Variants in PAX5 observed in about 807,000 individuals in gnomAD.
The protein encoded by PAX5 is paired box protein Pax-5.
In PAX5, 9 loss-of-function variants were observed where a neutral mutation model predicts 43.7. The ratio of observed to expected loss-of-function variants is 0.21; its 90% CI spans 0.12 to 0.36. The LOEUF (loss-of-function observed/expected upper bound fraction) is 0.36. Among genes scored for constraint, PAX5 ranks in the 10% least tolerant of loss-of-function variants. PAX5 has a pLI of 1.00. For missense variants in PAX5, 383 were observed against 532.7 expected (o/e 0.72, Z 2.77); for synonymous variants, 228 against 214.3 (o/e 1.06, Z -0.56).
chr9:37,003,170 A>ACAAAAAAC (rs1838079399), intron 4 of PAX5, among the ~76,000 whole-genome samples: 2 of 146,784 alleles, frequency 1.4e-5, no homozygotes, highest in Non-Finnish European at 3.0e-5. Flanking sequence ...AAAAAAAAAA[A>ACAAAAAAC]AAAAAAAAAA....
chr9:37,033,922 G>T (rs376303924), intron 1 of PAX5, 64 bp downstream of exon 1: 21 of 1,505,814 alleles, frequency 1.4e-5, no homozygotes, highest in Admixed American at 1.7e-5. Context: ...GTCACCCTGC[G>T]TGGGGACCAA....
At chr9:36,944,183 C>CA (rs1330154521) in intron 6 of PAX5, among the ~76,000 whole-genome samples, 1 of 151,922 alleles carries the variant, frequency 6.6e-6, no homozygotes, top group Admixed American at 6.6e-5. Flanking sequence ...GACGCTGTCT[C>CA]AAAAAAATAA....
intron 6 of PAX5, among the ~76,000 whole-genome samples, chr9:36,961,660 T>C (rs1564013310): frequency 6.6e-6 from 1 of 152,344 alleles, no homozygotes; most frequent in Non-Finnish European, 1.5e-5. Context: ...TGGTTAATAG[T>C]CTGCCGAGAG....
chr9:37,024,959 G>C (rs138417159), intron 1 of PAX5, among the ~76,000 whole-genome samples: 1 of 152,364 alleles, frequency 6.6e-6, no homozygotes, highest in Admixed American at 6.5e-5. Flanking sequence ...CCTTGGCTGA[G>C]CCAAGGGCTT....
intron 1 of PAX5, chr9:37,026,603 C>A: frequency 7.4e-7 from 1 of 1,349,886 alleles, no homozygotes; most frequent in Non-Finnish European, 9.7e-7. Context: ...CAGGCCGGCC[C>A]ACGCCGCCGC....
intron 8 of PAX5, among the ~76,000 whole-genome samples, chr9:36,863,897 T>C (rs1056615699): frequency 6.6e-6 from 1 of 151,936 alleles, no homozygotes; most frequent in African/African-American, 2.4e-5. Context: ...GATCAGGAGG[T>C]CAGGAGCTCA....
chr9:36,965,980 C>T (rs1221795566), intron 6 of PAX5, among the ~76,000 whole-genome samples: 1 of 152,184 alleles, frequency 6.6e-6, no homozygotes, highest in Non-Finnish European at 1.5e-5. Context: ...CAGGGCTGGT[C>T]CTCCTGCTTT....
At chr9:37,004,722 A>G (rs1012936393) in intron 4 of PAX5, among the ~76,000 whole-genome samples, 1 of 152,224 alleles carries the variant, frequency 6.6e-6, no homozygotes, top group African/African-American at 2.4e-5. Context: ...AGAAGATCCC[A>G]GGTCACTTGG....
intron 8 of PAX5, among the ~76,000 whole-genome samples, chr9:36,867,323 T>G (rs1411610534): frequency 2.0e-5 from 3 of 152,150 alleles, no homozygotes; most frequent in African/African-American, 7.2e-5. Context: ...CACCCTTCTT[T>G]TGCATCACAC....
At chr9:37,016,841 A>C (rs1382834905) in intron 2 of PAX5, among the ~76,000 whole-genome samples, 1 of 152,228 alleles carries the variant, frequency 6.6e-6, no homozygotes, top group Non-Finnish European at 1.5e-5. Context: ...CAGCCTGGGT[A>C]TGTTTGGGTA....
At chr9:37,002,867 G>C in intron 4 of PAX5, 91 bp from the exon 5 acceptor site, 1 of 1,462,444 alleles carries the variant, frequency 6.8e-7, no homozygotes, top group South Asian at 1.3e-5. Flanking sequence ...GCGGCTGGGA[G>C]GGAGCGAGCG....
rs1824189108 is a variant in PAX5 at position 36,861,258 on chromosome 9, G to C, written c.1013-14329C>G. The C allele has an allele frequency of 2.0e-5, 3 of 151,652 alleles. No homozygotes were observed. In the South Asian group the frequency reaches 6.3e-4, roughly 32 times the overall value. The allele number at this position is 151,652 out of a possible 1,614,324, so 9.4% of individuals were successfully genotyped here. A position where few individuals can be genotyped will look rare whatever the true frequency, so the allele number is the denominator to read the frequency against. ...TGAGTGAGGGCCTACTAGGTACCAG[G>C]CCCACTGCAGACAGTCGCAATTTCA... On this transcript the variant is annotated intron_variant, in intron 8 of 9. Coordinates refer to ENST00000358127, the MANE Select transcript of PAX5 (RefSeq NM_016734.3).
chr9:36,926,554 T>TG (rs1283299284), intron 6 of PAX5, among the ~76,000 whole-genome samples: 6 of 152,252 alleles, frequency 3.9e-5, no homozygotes, highest in Non-Finnish European at 8.8e-5. Context: ...CCTAATTTTC[T>TG]GAGAATGAAT....
intron 9 of PAX5, among the ~76,000 whole-genome samples, chr9:36,845,542 G>T (rs1489488491): frequency 6.6e-6 from 1 of 152,220 alleles, no homozygotes; most frequent in African/African-American, 2.4e-5. Flanking sequence ...GGAGTCTTCT[G>T]CAAGGCTTGC....
chr9:36,850,169 C>T (rs1415163819), intron 8 of PAX5, among the ~76,000 whole-genome samples: 1 of 152,218 alleles, frequency 6.6e-6, no homozygotes, highest in Admixed American at 6.5e-5. Context: ...TTCCGTGAGG[C>T]CCCGCAGAGG....
At chr9:36,886,653 T>C (rs1011936132) in intron 7 of PAX5, among the ~76,000 whole-genome samples, 1 of 152,202 alleles carries the variant, frequency 6.6e-6, no homozygotes, top group Non-Finnish European at 1.5e-5. Context: ...AAACATGCTA[T>C]GACCTCAAAG....
At chr9:36,851,204 A>G (rs1450640047) in intron 8 of PAX5, among the ~76,000 whole-genome samples, 1 of 152,202 alleles carries the variant, frequency 6.6e-6, no homozygotes. Context: ...CCTTTTCCCC[A>G]GGCCAAGGGG....
chr9:36,968,650 A>G (rs536998510), intron 5 of PAX5, among the ~76,000 whole-genome samples: 48 of 152,250 alleles, frequency 3.2e-4, no homozygotes, highest in Admixed American at 5.2e-4. Context: ...TCTCTGACCA[A>G]CGTTCCCCAG....
At chr9:36,952,887 T>C (rs368050690) in intron 6 of PAX5, among the ~76,000 whole-genome samples, 44 of 152,320 alleles carry the variant, frequency 2.9e-4, no homozygotes, top group African/African-American at 8.9e-4. Context: ...CAATTAAGAA[T>C]AGAAAAATCA....
Sources: gnomAD v4.1 joint callset for allele counts (sites outside exome capture counted in the v4.1 genomes callset) on GRCh38, gnomAD v4.1.1 for gene constraint, MANE v1.5 for transcripts, NCBI Gene and HGNC (gene_info 2026-07-23, HGNC 2026-07-21) for gene names.